The following PPP1R9B variants were observed in gnomAD, a reference collection of about 807,000 sequenced individuals.
The protein encoded by PPP1R9B is neurabin-2.
Under a neutral mutation model 75.8 loss-of-function variants are expected in PPP1R9B, and 17 were observed. The observed-to-expected ratio is 0.22, with a 90% confidence interval of 0.15 to 0.34. PPP1R9B has a LOEUF of 0.34. PPP1R9B is among the 10% of genes least tolerant of loss of function. The pLI is 1.00. For synonymous variants in PPP1R9B, 509 were observed against 535.4 expected, an observed-to-expected ratio of 0.95 and a Z score of 0.68; for missense variants, 875 against 1,196.0, an observed-to-expected ratio of 0.73 and a Z score of 3.96.
Position 50,142,372 on chromosome 17 carries a change from C to T in PPP1R9B, c.1626-999G>A, listed in dbSNP as rs1021588148. On this transcript the variant is annotated intron_variant, in intron 3 of 9. Coordinates refer to ENST00000612501, the MANE Select transcript of PPP1R9B (RefSeq NM_032595.5). This position sits in a 1 kb window ranked among gnomAD's most constrained non-coding sequence, Gnocchi z 4.1. ...GGTGGGCATGAGTGAGTGGCCACGG[C>T]CACCATGCACACTCACTCCTTAGAC... Among the ~76,000 whole-genome samples, 1 of 152,192 alleles carries T rather than the reference C, an allele frequency of 6.6e-6. No individual in the cohort carries two copies. Among genetic ancestry groups the T allele is most frequent in the Non-Finnish European group, 1.5e-5 (1 of 68,016 alleles).
Position 50,140,237 on chromosome 17 carries a change from G to A in PPP1R9B, c.1731-9C>T. 1.3e-6 allele frequency: 2 copies of A among 1,587,074 alleles called. No homozygotes were observed. Among genetic ancestry groups the A allele is most frequent in the Admixed American group, 1.8e-5 (1 of 56,052 alleles). On this transcript the variant is annotated splice_polypyrimidine_tract_variant and intron_variant, in intron 4 of 9. Transcript: ENST00000612501. The stretch of plus-strand genomic sequence containing the variant: ...CCCGGCCAATCATAAACCTGCAGGG[G>A]CACCGGCATCATCCGCTGCCTCTGT...
chr17:50,145,059 A>G, intron 2 of PPP1R9B, 54 bp downstream of exon 2: 1 of 1,595,792 alleles, frequency 6.3e-7, no homozygotes, highest in Non-Finnish European at 8.5e-7. Flanking sequence ...GCCAGAGATG[A>G]GACCCGGGTC....
intron 2 of PPP1R9B, among the ~76,000 whole-genome samples, 189 bp downstream of exon 2, chr17:50,144,924 T>C (rs920987830): frequency 3.9e-5 from 6 of 151,988 alleles, no homozygotes; most frequent in Non-Finnish European, 8.8e-5. Flanking sequence ...TTGGCCTGGG[T>C]TGGAGGCCCT....
chr17:50,150,290 C>G lies in PPP1R9B; in HGVS notation c.224G>C (p.Gly75Ala). The G allele has an allele frequency of 1.4e-6, 2 of 1,417,072 alleles. No individual in the cohort carries two copies. Among genetic ancestry groups the G allele is most frequent in the Non-Finnish European group, 1.8e-6 (2 of 1,082,400 alleles). The allele number at this position is 1,417,072 out of a possible 1,614,324, so 87.8% of individuals were successfully genotyped here. A position where few individuals can be genotyped will look rare whatever the true frequency, so the allele number is the denominator to read the frequency against. ...GGCCTCGGCCAGGCCCGCGCCGCCG[C>G]CCGCCTCGCCCGAGGGCCCCGCCGT... ...GTTAGPSGEA[G>A]GGAGLAEAPR... Residue 75 changes from glycine to alanine, a missense_variant, in exon 1 of 10, where the codon GGC becomes GCC. Gly to Ala is a moderately conservative substitution (Grantham distance 60). Coordinates refer to ENST00000612501, the MANE Select transcript of PPP1R9B (RefSeq NM_032595.5). The surrounding 1 kb of genome is among the most constrained non-coding windows in gnomAD (Gnocchi z 8.7).
chr17:50,149,536 G>A lies in PPP1R9B; in HGVS notation c.978C>T (p.His326=). 1 of 1,591,530 alleles carries A rather than the reference G, an allele frequency of 6.3e-7. No homozygotes were observed. ...GEVIQAEVTV[H]AALENGSTVA... ...CGGTGCTGCCATTCTCCAGGGCCGC[G>A]TGGACCGTAACCTCGGCCTGGATCA... is the stretch of plus-strand genomic sequence containing the variant. The change falls in exon 1 of 10, where the codon CAC becomes CAT. Residue 326 remains histidine, a synonymous_variant. Transcript: ENST00000612501. The surrounding 1 kb of genome is among the most constrained non-coding windows in gnomAD (Gnocchi z 7.2).
At chr17:50,145,385 C>T (rs561109081) in intron 1 of PPP1R9B, 140 bp from the exon 2 acceptor site, 6 of 1,087,344 alleles carry the variant, frequency 5.5e-6, no homozygotes, top group Non-Finnish European at 8.2e-6. Flanking sequence ...ACCCAGTCCC[C>T]TGAGACCCCA....
Position 50,135,025 on chromosome 17 carries a change from A to G in PPP1R9B, c.*306T>C, listed in dbSNP as rs1471833748. 2.2e-6 allele frequency: 1 copy of G among 448,176 alleles called. No individual in the cohort carries two copies. Among genetic ancestry groups the G allele is most frequent in the African/African-American group, 2.0e-5 (1 of 50,370 alleles). 27.8% of individuals were successfully genotyped at this position (448,176 alleles called of 1,614,324 possible). ...GGAGTGTGTAAAGTCTGGCAGTTTG[A>G]TCTGCAGGTGCTTGTGTCCGTCGAC... On this transcript the variant is annotated 3_prime_UTR_variant, in exon 10 of 10. Transcript: ENST00000612501.
Position 50,150,039 on chromosome 17 carries a change from C to A in PPP1R9B, c.475G>T (p.Ala159Ser). The change falls in exon 1 of 10, where the codon GCA (alanine) becomes TCA (serine). Residue 159 changes from alanine to serine, a missense_variant. By Grantham distance (99) the Ala-to-Ser change is moderately conservative. Coordinates refer to ENST00000612501, the MANE Select transcript of PPP1R9B (RefSeq NM_032595.5). The surrounding 1 kb of genome is among the most constrained non-coding windows in gnomAD (Gnocchi z 8.7). The part of the protein sequence containing the change: ...KLFERSAPAA[A>S]GGDKEAAARR... ...GCCGCGGCCTCCTTGTCGCCGCCTG[C>A]GGCCGCTGGGGCGCTCCGTTCGAAC... 1 of 1,467,540 alleles carries A rather than the reference C, an allele frequency of 6.8e-7. No individual in the cohort carries two copies. The highest frequency in any genetic ancestry group is 8.9e-7 in the Non-Finnish European group (1 of 1,118,940). 90.9% of individuals were successfully genotyped at this position (1,467,540 alleles called of 1,614,324 possible).
Position 50,139,131 on chromosome 17 carries a change from C to G in PPP1R9B, c.2073+132G>C. 8.2e-6 allele frequency: 8 copies of G among 972,262 alleles called. No homozygotes were observed. In the South Asian group the frequency reaches 1.1e-4, roughly 13 times the overall value. 60.2% of individuals were successfully genotyped at this position (972,262 alleles called of 1,614,324 possible). On this transcript the variant is annotated intron_variant, in intron 7 of 9. Coordinates refer to ENST00000612501, the MANE Select transcript of PPP1R9B (RefSeq NM_032595.5). The surrounding 1 kb of genome is among the most constrained non-coding windows in gnomAD (Gnocchi z 5.0). ...CTTAATATCGTATCTATCATATCATCTTGCTTTAGAGCAGCTTGTTCTGTG... is the reference window on the plus strand; with the variant it reads ...CTTAATATCGTATCTATCATATCATGTTGCTTTAGAGCAGCTTGTTCTGTG...
intron 7 of PPP1R9B, among the ~76,000 whole-genome samples, chr17:50,136,572 T>A (rs1256149471): frequency 6.6e-6 from 1 of 152,146 alleles, no homozygotes; most frequent in Admixed American, 6.5e-5. Context: ...AGACAGTACA[T>A]GTGAAGTAAA....
Position 50,149,755 on chromosome 17 carries a change from G to C in PPP1R9B, c.759C>G (p.Pro253=), listed in dbSNP as rs566264157. ...LVSKRSRVFQ[P]PPPPPPAPSG... is the part of the protein sequence containing the mutation. The stretch of plus-strand genomic sequence containing the variant: ...ACGGGGCGGGCGGCGGCGGCGGCGG[G>C]GGCTGGAACACCCGGGACCGCTTGC... The change falls in exon 1 of 10, where the codon CCC becomes CCG. Residue 253 remains proline, a synonymous_variant. Transcript: ENST00000612501. This position sits in a 1 kb window ranked among gnomAD's most constrained non-coding sequence, Gnocchi z 7.2. 4 of 1,407,682 alleles carry C rather than the reference G, an allele frequency of 2.8e-6. No individual in the cohort carries two copies. Among genetic ancestry groups the C allele is most frequent in the Admixed American group, 3.3e-5 (1 of 30,204 alleles). 87.2% of individuals were successfully genotyped at this position (1,407,682 alleles called of 1,614,324 possible).
chr17:50,141,675 A>C (rs1451850435), intron 3 of PPP1R9B, among the ~76,000 whole-genome samples: 1 of 151,666 alleles, frequency 6.6e-6, no homozygotes, highest in East Asian at 1.9e-4. Context: ...AAAAAAAAAA[A>C]AACAAAAAAA....
At chr17:50,136,621 C>T (rs1017964643) in intron 7 of PPP1R9B, among the ~76,000 whole-genome samples, 1 of 152,114 alleles carries the variant, frequency 6.6e-6, no homozygotes, top group Admixed American at 6.5e-5. Flanking sequence ...TGTCCCCTCT[C>T]TGCAGCCCCA....
rs1364546560 is a variant in PPP1R9B, at chr17:50,141,279, C to A, written c.1720G>T (p.Gly574Cys). 3 of 1,581,190 alleles carry A rather than the reference C, an allele frequency of 1.9e-6. No individual in the cohort carries two copies. Among genetic ancestry groups the A allele is most frequent in the Non-Finnish European group, 2.6e-6 (3 of 1,164,788 alleles). Residue 574 changes from glycine (G) to cysteine (C), a missense_variant, in exon 4 of 10, where the codon GGC becomes TGC. By Grantham distance (159) the Gly-to-Cys change is radical. Coordinates refer to ENST00000612501, the MANE Select transcript of PPP1R9B (RefSeq NM_032595.5). ...CCTCTGGGCTCTCACCGCACTCGGC[C>A]CTTGGTGTTCCGGAGCACAGACGCC... The part of the protein sequence containing the change: ...FAASVLRNTK[G>C]RVRFMIGRER...
intron 1 of PPP1R9B, 37 bp from the exon 2 acceptor site, chr17:50,145,282 G>C: frequency 6.2e-7 from 1 of 1,609,888 alleles, no homozygotes; most frequent in Non-Finnish European, 8.5e-7. Context: ...AGGCCGGCAG[G>C]AGGACAAGTG....
intron 9 of PPP1R9B, 82 bp from the exon 10 acceptor site, chr17:50,135,466 G>A: frequency 6.4e-7 from 1 of 1,569,498 alleles, no homozygotes; most frequent in Non-Finnish European, 8.8e-7. Flanking sequence ...TGAGGACATG[G>A]CATCCCCTCC....
intron 8 of PPP1R9B, 63 bp from the exon 9 acceptor site, chr17:50,135,712 A>T: frequency 7.1e-7 from 1 of 1,414,990 alleles, no homozygotes; most frequent in South Asian, 1.2e-5. Context: ...ATCCAGGGTG[A>T]CCCAGGTCCT....
chr17:50,143,219 G>T (rs4794103), intron 3 of PPP1R9B, among the ~76,000 whole-genome samples: 1 of 151,920 alleles, frequency 6.6e-6, no homozygotes, highest in East Asian at 1.9e-4. Flanking sequence ...GCCCAGCACC[G>T]GCCCAACACT....
Position 50,149,696 on chromosome 17 carries a change from G to A in PPP1R9B, c.818C>T (p.Pro273Leu), listed in dbSNP as rs1278090734. 1 of 1,428,720 alleles carries A rather than the reference G, an allele frequency of 7.0e-7. No homozygotes were observed. Among genetic ancestry groups the A allele is most frequent in the Non-Finnish European group, 9.1e-7 (1 of 1,099,176 alleles). 88.5% of individuals were successfully genotyped at this position (1,428,720 alleles called of 1,614,324 possible). ...GTGCTGCGGGGGCTGCTGCCCTGCG[G>A]GGCATCGCTCTTTCTCGGCCGGGGC... ...GDAPAEKERCPAGQQPPQHRV... is the reference protein window; with the variant it reads ...GDAPAEKERCLAGQQPPQHRV... The change falls in exon 1 of 10, where the codon CCC (proline) becomes CTC (leucine). Residue 273 changes from proline (P) to leucine (L), a missense_variant. Coordinates refer to ENST00000612501, the MANE Select transcript of PPP1R9B (RefSeq NM_032595.5). The surrounding 1 kb of genome is among the most constrained non-coding windows in gnomAD (Gnocchi z 7.2).
Sources: gnomAD v4.1 joint callset for allele counts (sites outside exome capture counted in the v4.1 genomes callset) on GRCh38, gnomAD v4.1.1 for gene constraint, Gnocchi (gnomAD v3.1) non-coding constraint, MANE v1.5 for transcripts, NCBI Gene and HGNC (gene_info 2026-07-23, HGNC 2026-07-21) for gene names.